Variants in CKAP5 observed in about 807,000 individuals in gnomAD.
CKAP5 encodes the protein cytoskeleton associated protein 5.
A neutral mutation model predicts 232.8 loss-of-function variants in CKAP5; 27 were observed. That is an observed-to-expected ratio of 0.12 (90% CI 0.09 to 0.16). The LOEUF is 0.16. CKAP5 is among the 10% of genes least tolerant of loss of function. The pLI is 1.00. For synonymous variants in CKAP5, 785 were observed against 841.1 expected, an observed-to-expected ratio of 0.93 and a Z score of 1.16; for missense variants, 1,838 against 2,424.7, an observed-to-expected ratio of 0.76 and a Z score of 5.08.
At chr11:46,795,295 T>G (rs1938842653) in intron 13 of CKAP5, among the ~76,000 whole-genome samples, 2 of 151,228 alleles carry the variant, frequency 1.3e-5, no homozygotes, top group Admixed American at 1.3e-4. Flanking sequence ...ATCACTGCAC[T>G]CCAGCCTGGG....
chr11:46,825,144 A>T (rs555031369), intron 1 of CKAP5, among the ~76,000 whole-genome samples: 1 of 152,328 alleles, frequency 6.6e-6, no homozygotes, highest in South Asian at 2.1e-4. Flanking sequence ...ACTAGAGGTT[A>T]AGAAATGTTT....
At position 46,763,106 on chromosome 11, in the gene CKAP5, A is replaced by G. The variant is rs763176909; in HGVS notation, c.3761T>C (p.Phe1254Ser). ...LILKWLTLRF[F>S]DTNTSVLMKA... The stretch of plus-strand genomic sequence containing the variant: ...CATCAGGACGCTTGTATTGGTGTCA[A>G]AAAACCTCAGGGTAAGCCACTTTAA... Residue 1254 changes from phenylalanine (F) to serine (S), a missense_variant, in exon 30 of 44, where the codon TTT becomes TCT. By Grantham distance (155) the Phe-to-Ser change is radical (BLOSUM62 -2). Around this residue, in one of 6 missense-constraint regions of CKAP5, gnomAD observed 48 missense variants for 98.1 expected, o/e 0.49. Transcript: ENST00000529230. The G allele has an allele frequency of 6.2e-7, 1 of 1,613,990 alleles. No individual in the cohort carries two copies. Among genetic ancestry groups the G allele is most frequent in the Middle Eastern group, 1.7e-4 (1 of 6,048 alleles).
intron 24 of CKAP5, among the ~76,000 whole-genome samples, chr11:46,771,932 C>T (rs1480829015): frequency 2.0e-5 from 3 of 152,012 alleles, no homozygotes; most frequent in South Asian, 2.1e-4. Context: ...CAGCATTTCA[C>T]GTTACCATTA....
At chr11:46,744,647 C>T (rs192940261) in intron 42 of CKAP5, 70 bp from the exon 43 acceptor site, 104 of 1,400,396 alleles carry the variant, frequency 7.4e-5, no homozygotes, top group Middle Eastern at 3.7e-4. Context: ...CTTGGTTAAT[C>T]TCCCACCAAA....
intron 42 of CKAP5, among the ~76,000 whole-genome samples, chr11:46,749,049 C>T (rs1288030467): frequency 6.6e-6 from 1 of 150,730 alleles, no homozygotes; most frequent in African/African-American, 2.4e-5. Context: ...CCAGGCTAGT[C>T]TTGAACTCCT....
chr11:46,818,401 T>C lies in CKAP5; in HGVS notation c.160A>G (p.Lys54Glu). 6.2e-7 allele frequency: 1 copy of C among 1,612,206 alleles called. No homozygotes were observed. Among genetic ancestry groups the C allele is most frequent in the Non-Finnish European group, 8.5e-7 (1 of 1,179,294 alleles). Residue 54 changes from lysine (K) to glutamate (E), a missense_variant, in exon 3 of 44, where the codon AAA becomes GAA. Coordinates refer to ENST00000529230, the MANE Select transcript of CKAP5 (RefSeq NM_001008938.4). Reference sequence around the variant, plus strand: ...GCATTGGAATCAGTGACAAATTTTTTGATCAATCCTAAAAATTTGGACCAC... The same window carrying C: ...GCATTGGAATCAGTGACAAATTTTTCGATCAATCCTAAAAATTTGGACCAC... ...PEWSKFLGLI[K>E]KFVTDSNAVV...
In CKAP5 at chr11:46,835,748, C is replaced by T. The variant is rs150555373; in HGVS notation, c.-38+10472G>A. Among the ~76,000 whole-genome samples the T allele has an allele frequency of 1.6e-4, 25 of 152,264 alleles. 1 individual carries two copies. Among genetic ancestry groups the T allele is most frequent in the East Asian group, 1.2e-3 (6 of 5,172 alleles). The stretch of plus-strand genomic sequence containing the variant: ...GAATATATGTAGATACCCTTAACTC[C>T]GGGAAGTGGAATCTAATCCCTTCAC... On this transcript the variant is annotated intron_variant, in intron 1 of 43. Coordinates refer to ENST00000529230, the MANE Select transcript of CKAP5 (RefSeq NM_001008938.4).
rs534969510 is a variant in CKAP5 at position 46,748,900 on chromosome 11, C to G, written c.5704+1374G>C. Among the ~76,000 whole-genome samples, 161 of 151,558 alleles carry G rather than the reference C, an allele frequency of 1.1e-3. 3 individuals carry two copies. The highest frequency in any genetic ancestry group is 4.4e-4 in the Non-Finnish European group (30 of 67,914). On this transcript the variant is annotated intron_variant, in intron 42 of 43. Coordinates refer to ENST00000529230, the MANE Select transcript of CKAP5 (RefSeq NM_001008938.4). ...AGGCTGGAGTGCAGTGATGCGATCT[C>G]GGCCCAGTGCAACCTCCGCCTCCTG...
intron 7 of CKAP5, 78 bp from the exon 8 acceptor site, chr11:46,808,222 T>C: frequency 1.1e-6 from 1 of 931,310 alleles, no homozygotes; most frequent in East Asian, 2.4e-5. Context: ...ACTCTGCTAA[T>C]TCAAAGATAC....
chr11:46,778,461 T>C lies in CKAP5; in HGVS notation c.2572A>G (p.Ser858Gly). The C allele has an allele frequency of 3.7e-6, 6 of 1,614,176 alleles. No individual in the cohort carries two copies. Among genetic ancestry groups the C allele is most frequent in the Non-Finnish European group, 5.1e-6 (6 of 1,180,004 alleles). ...VVDLLPRTEISDKITSELVSK... is the reference protein window; with the variant it reads ...VVDLLPRTEIGDKITSELVSK... ...ACCATTTCACAGACTGGAACCTACC[T>C]GATCTCCGTCCTCGGCAAAAGATCA... Residue 858 changes from serine (S) to glycine (G), a missense_variant and splice_region_variant, in exon 21 of 44, where the codon AGT becomes GGT. By Grantham distance (56) the Ser-to-Gly change is moderately conservative. Around this residue, in one of 6 missense-constraint regions of CKAP5, gnomAD observed 767 missense variants for 954.6 expected, o/e 0.80. Coordinates refer to ENST00000529230, the MANE Select transcript of CKAP5 (RefSeq NM_001008938.4).
intron 24 of CKAP5, among the ~76,000 whole-genome samples, chr11:46,772,191 T>C (rs1403768365): frequency 6.6e-6 from 1 of 152,104 alleles, no homozygotes; most frequent in Non-Finnish European, 1.5e-5. Context: ...CAGAGTTCTT[T>C]ATATATTCTA....
At chr11:46,775,784 G>T (rs1430475685) in intron 24 of CKAP5, among the ~76,000 whole-genome samples, 5 of 152,004 alleles carry the variant, frequency 3.3e-5, no homozygotes, top group African/African-American at 1.2e-4. Flanking sequence ...AGAACGTACG[G>T]GCACAGGGAG....
At position 46,753,381 on chromosome 11, in the gene CKAP5, T is replaced by C. The variant is rs774597459; in HGVS notation, c.4986A>G (p.Gln1662=). Reference sequence around the variant, plus strand: ...AGAGGTTCACAGAGCGGATGACCTGTTGTCCTTCCTCAAGATCTTCAATCC... The same window carrying C: ...AGAGGTTCACAGAGCGGATGACCTGCTGTCCTTCCTCAAGATCTTCAATCC... The part of the protein sequence containing the change: ...DSRIEDLEEG[Q]QVIRSVNLLV... Residue 1662 remains glutamine, a synonymous_variant, in exon 37 of 44, where the codon CAA becomes CAG. Transcript: ENST00000529230. The C allele has an allele frequency of 3.7e-6, 6 of 1,613,994 alleles. No homozygotes were observed. In the South Asian group the frequency reaches 5.5e-5, roughly 15 times the overall value.
At chr11:46,749,081 C>T (rs2134565579) in intron 42 of CKAP5, among the ~76,000 whole-genome samples, 1 of 151,652 alleles carries the variant, frequency 6.6e-6, no homozygotes, top group Non-Finnish European at 1.5e-5. Flanking sequence ...CTGCCCGCCT[C>T]AGCCTCCCAA....
At chr11:46,790,640 T>TTTTTTA in intron 13 of CKAP5, 57 bp from the exon 14 acceptor site, 1 of 1,209,004 alleles carries the variant, frequency 8.3e-7, no homozygotes, top group Non-Finnish European at 1.2e-6. Context: ...AATAGTGGAG[T>TTTTTTA]TTTTTATTTT....
At chr11:46,817,369 A>G (rs929444327) in intron 3 of CKAP5, among the ~76,000 whole-genome samples, 1 of 152,210 alleles carries the variant, frequency 6.6e-6, no homozygotes, top group East Asian at 1.9e-4. Context: ...ATAATAAAAG[A>G]CTACTCTTGA....
chr11:46,802,664 C>A (rs1939061700), intron 8 of CKAP5, among the ~76,000 whole-genome samples: 1 of 152,082 alleles, frequency 6.6e-6, no homozygotes, highest in Non-Finnish European at 1.5e-5. Flanking sequence ...TTTTTTCACT[C>A]TTTTCCCAGT....
chr11:46,767,661 G>A lies in CKAP5; in HGVS notation c.3325C>T (p.Pro1109Ser). Residue 1109 changes from proline (P) to serine (S), a missense_variant and splice_region_variant, in exon 27 of 44, where the codon CCT becomes TCT. Around this residue, in one of 6 missense-constraint regions of CKAP5, gnomAD observed 767 missense variants for 954.6 expected, o/e 0.80. Transcript: ENST00000529230. ...CTGCTGGAAATACAATCTTCAGCAG[G>A]TGCTTTGAGGAAAAAAATATATATA... ...APAKFQPASA[P>S]AEDCISSSTE... The A allele has an allele frequency of 6.2e-7, 1 of 1,600,742 alleles. No homozygotes were observed. The highest frequency in any genetic ancestry group is 8.5e-7 in the Non-Finnish European group (1 of 1,171,894).
chr11:46,802,512 C>T (rs1458315118), intron 8 of CKAP5, among the ~76,000 whole-genome samples: 1 of 151,456 alleles, frequency 6.6e-6, no homozygotes, highest in Non-Finnish European at 1.5e-5. Flanking sequence ...CCACTGCACT[C>T]CAGCCTGGGT....
Sources: gnomAD v4.1 joint callset for allele counts (sites outside exome capture counted in the v4.1 genomes callset) on GRCh38, gnomAD v4.1.1 for gene constraint, gnomAD v4.1.1 regional missense constraint, MANE v1.5 for transcripts, NCBI Gene and HGNC (gene_info 2026-07-23, HGNC 2026-07-21) for gene names.